Variants in STAU2 observed in about 807,000 individuals in gnomAD.
The protein encoded by STAU2 is staufen double-stranded RNA binding protein 2.
Under a neutral mutation model 65.9 loss-of-function variants are expected in STAU2, and 20 were observed. The observed-to-expected ratio is 0.30, with a 90% confidence interval of 0.21 to 0.44. STAU2 has a LOEUF of 0.44. STAU2 is among the 20% of genes least tolerant of loss of function. The pLI, the probability that STAU2 is intolerant of heterozygous loss-of-function variation, is 1.00. For missense variants in STAU2, 558 were observed against 683.9 expected (o/e 0.82, Z 2.05); for synonymous variants, 232 against 233.9 (o/e 0.99, Z 0.07).
At chr8:73,633,354 A>G (rs1814243866) in intron 6 of STAU2, among the ~76,000 whole-genome samples, 1 of 152,162 alleles carries the variant, frequency 6.6e-6, no homozygotes, top group Non-Finnish European at 1.5e-5. Flanking sequence ...TCAATACTAC[A>G]TTACTATATT....
At chr8:73,725,014 C>T (rs893783461) in intron 3 of STAU2, among the ~76,000 whole-genome samples, 1 of 152,076 alleles carries the variant, frequency 6.6e-6, no homozygotes, top group Non-Finnish European at 1.5e-5. Context: ...ACATTTTTGA[C>T]TTTCAATATT....
At chr8:73,492,815 T>C (rs61314477) in intron 13 of STAU2, among the ~76,000 whole-genome samples, 22,622 of 151,786 alleles carry the variant, frequency 0.15, 2,107 homozygotes, top group East Asian at 0.5. Flanking sequence ...AGGAAAGATA[T>C]ATGTGCAAAG....
chr8:73,618,898 AAAC>A (rs1813030007), intron 6 of STAU2, among the ~76,000 whole-genome samples: 1 of 152,230 alleles, frequency 6.6e-6, no homozygotes, highest in Admixed American at 6.5e-5. Context: ...TTTCGGAACT[AAAC>A]AACTGGAAAA....
At chr8:73,688,621 C>A in intron 5 of STAU2, 33 bp downstream of exon 5, 1 of 1,612,456 alleles carries the variant, frequency 6.2e-7, no homozygotes, top group Non-Finnish European at 8.5e-7. Flanking sequence ...ACACACATAG[C>A]AGACAACATA....
chr8:73,734,528 G>C (rs1806294158), intron 3 of STAU2, among the ~76,000 whole-genome samples: 1 of 152,154 alleles, frequency 6.6e-6, no homozygotes, highest in Admixed American at 6.6e-5. Context: ...GGGCACGGTG[G>C]CTCACGCCTG....
intron 12 of STAU2, among the ~76,000 whole-genome samples, chr8:73,560,484 T>C (rs766943686): frequency 6.6e-6 from 1 of 152,200 alleles, no homozygotes; most frequent in Non-Finnish European, 1.5e-5. Flanking sequence ...TTTTATTAAT[T>C]TGTGCATTTT....
chr8:73,726,128 G>A (rs912494723), intron 3 of STAU2, among the ~76,000 whole-genome samples: 2 of 151,660 alleles, frequency 1.3e-5, no homozygotes, highest in South Asian at 2.1e-4. Flanking sequence ...AATGTCATTC[G>A]CAGCAACCTG....
At chr8:73,596,661 C>A (rs543218533) in intron 10 of STAU2, among the ~76,000 whole-genome samples, 10 of 151,862 alleles carry the variant, frequency 6.6e-5, no homozygotes, top group African/African-American at 2.4e-4. Context: ...CCCGCCTGGG[C>A]AATATAGTGA....
chr8:73,632,032 G>A lies in STAU2; in HGVS notation c.411-14581C>T, dbSNP rs114390388. Among the ~76,000 whole-genome samples, 1,035 of 151,974 alleles carry A rather than the reference G, an allele frequency of 6.8e-3. 20 individuals are homozygous for A. Among genetic ancestry groups the A allele is most frequent in the African/African-American group, 0.023 (955 of 41,426 alleles). ...GGAGGGAGGGAGGGAGGAAGACAGA[G>A]GGAGGAAAGGAGAGAGAGACAGCAC... On this transcript the variant is annotated intron_variant, in intron 6 of 14. Transcript: ENST00000524300.
chr8:73,438,971 G>A (rs1482146337), intron 13 of STAU2: 4 of 456,622 alleles, frequency 8.8e-6, no homozygotes, highest in Non-Finnish European at 4.4e-6. Context: ...CTGGTCATGT[G>A]AGAAAGCCTC....
chr8:73,526,486 T>C (rs1202343238), intron 13 of STAU2, among the ~76,000 whole-genome samples: 1 of 152,196 alleles, frequency 6.6e-6, no homozygotes, highest in African/African-American at 2.4e-5. Flanking sequence ...TTTGAGAAGA[T>C]AGACTCTTTA....
At chr8:73,680,582 T>G (rs916999559) in intron 5 of STAU2, among the ~76,000 whole-genome samples, 1 of 152,040 alleles carries the variant, frequency 6.6e-6, no homozygotes, top group Non-Finnish European at 1.5e-5. Flanking sequence ...AAGATCACAC[T>G]AGTTCACCAG....
chr8:73,692,387 G>A (rs1039043419), intron 4 of STAU2, among the ~76,000 whole-genome samples: 50 of 151,738 alleles, frequency 3.3e-4, no homozygotes, highest in African/African-American at 9.9e-4. Flanking sequence ...TAGTAGAGAC[G>A]GGGTTTCACT....
At chr8:73,686,893 C>CT (rs71768700) in intron 5 of STAU2, among the ~76,000 whole-genome samples, 35 of 143,126 alleles carry the variant, frequency 2.4e-4, no homozygotes, top group African/African-American at 3.3e-4. Flanking sequence ...GGGTTTCTTT[C>CT]TTTTTTTTTT....
chr8:73,472,750 T>C (rs1304554564), intron 13 of STAU2, among the ~76,000 whole-genome samples: 1 of 151,788 alleles, frequency 6.6e-6, no homozygotes, highest in East Asian at 1.9e-4. Context: ...ACAAAAAACA[T>C]ACACTGCTAA....
At chr8:73,700,132 A>T (rs940049009) in intron 4 of STAU2, among the ~76,000 whole-genome samples, 9 of 152,290 alleles carry the variant, frequency 5.9e-5, no homozygotes, top group Non-Finnish European at 1.3e-4. Flanking sequence ...ACTTTGTGAT[A>T]AAAACCCTCA....
At chr8:73,446,578 A>G (rs1262627490) in intron 13 of STAU2, among the ~76,000 whole-genome samples, 2 of 152,222 alleles carry the variant, frequency 1.3e-5, no homozygotes, top group Admixed American at 1.3e-4. Flanking sequence ...AATGCAAGGT[A>G]AAACAAGAAC....
intron 11 of STAU2, among the ~76,000 whole-genome samples, chr8:73,589,232 C>A (rs1810596863): frequency 6.6e-6 from 1 of 152,188 alleles, no homozygotes; most frequent in Admixed American, 6.5e-5. Context: ...TCCAAAAAGT[C>A]TGAGAGAGAG....
At chr8:73,487,965 G>GA (rs1227423563) in intron 13 of STAU2, among the ~76,000 whole-genome samples, 1 of 151,864 alleles carries the variant, frequency 6.6e-6, no homozygotes, top group Non-Finnish European at 1.5e-5. Flanking sequence ...TATTCTTTGG[G>GA]AAAAAAATCT....
Sources: allele counts gnomAD v4.1 joint callset (sites outside exome capture counted in the v4.1 genomes callset), GRCh38; gene constraint gnomAD v4.1.1; transcripts MANE v1.5; gene names NCBI Gene and HGNC (gene_info 2026-07-23, HGNC 2026-07-21).